SEPTIN3: variants seen among roughly 807,000 people sequenced by gnomAD.
SEPTIN3 encodes septin 3, also known as neuronal-specific septin-3.
Under a neutral mutation model 45.1 loss-of-function variants are expected in SEPTIN3, and 15 were observed. The ratio of observed to expected loss-of-function variants is 0.33; its 90% confidence interval spans 0.22 to 0.51. The LOEUF (loss-of-function observed/expected upper bound fraction) is 0.51, where lower values mean the gene tolerates loss of function less well. Among genes scored for constraint, SEPTIN3 ranks in the 20% least tolerant of loss-of-function variants. The probability of loss-of-function intolerance (pLI) is 0.97; values close to 1 mark genes in which losing one functional copy is unlikely to be tolerated. For missense variants in SEPTIN3, 289 were observed against 457.2 expected, an observed-to-expected ratio of 0.63 and a Z score of 3.35; for synonymous variants, 148 against 164.8, an observed-to-expected ratio of 0.90 and a Z score of 0.78.
At chr22:41,981,859 T>C in intron 3 of SEPTIN3, 23 bp downstream of exon 3, 1 of 1,606,178 alleles carries the variant, frequency 6.2e-7, no homozygotes, top group South Asian at 1.1e-5. Context: ...GTGGGGCTGC[T>C]GCAGGCCTGG....
At position 41,971,635 on chromosome 22, in the gene SEPTIN3, C is replaced by G; in HGVS notation, c.143C>G (p.Pro48Arg). The G allele has an allele frequency of 2.5e-6, 1 of 399,140 alleles. No homozygotes were observed. The allele number at this position is 399,140 out of a possible 1,614,324, so 24.7% of individuals were successfully genotyped here. A position where few individuals can be genotyped will look rare whatever the true frequency, so the allele number is the denominator to read the frequency against. The stretch of plus-strand genomic sequence containing the variant: ...CCTGGAGGAGGGTCCCCCCTCACCC[C>G]CGTCCTCAGGAAGACCATCCATCTG... ...RLPGGGSPLTPVLRKTIHLDT... is the reference protein window; with the variant it reads ...RLPGGGSPLTRVLRKTIHLDT... Residue 48 changes from proline to arginine, a missense_variant, in exon 2 of 12, where the codon CCC becomes CGC. Physicochemically the swap from Pro to Arg is moderately radical, Grantham distance 103. Transcript: ENST00000644076.
Position 41,973,145 on chromosome 22 carries a change from G to A in SEPTIN3, c.1504+149G>A, listed in dbSNP as rs1190302215. The A allele has an allele frequency of 1.8e-5, 7 of 396,196 alleles. No individual in the cohort carries two copies. The East Asian group carries it at 2.5e-4, about 14-fold the overall frequency. The allele number at this position is 396,196 out of a possible 1,614,324, so 24.5% of individuals were successfully genotyped here. A position where few individuals can be genotyped will look rare whatever the true frequency, so the allele number is the denominator to read the frequency against. The stretch of plus-strand genomic sequence containing the variant: ...ATGGGTTGGGAGAAAAGGAAATGGG[G>A]GTTGTAGGGCCAGACATAGGGACTG... On this transcript the variant is annotated intron_variant, in intron 2 of 11. Coordinates refer to ENST00000644076, the MANE Select transcript of SEPTIN3 (RefSeq NM_001363845.2).
chr22:41,992,817 C>A, intron 9 of SEPTIN3, 54 bp downstream of exon 9: 4 of 1,212,906 alleles, frequency 3.3e-6, no homozygotes, highest in South Asian at 1.3e-5. Flanking sequence ...ATCCAGTCAC[C>A]ATTTATTAAG....
chr22:41,994,782 A>C lies in SEPTIN3; in HGVS notation c.2505+68A>C, dbSNP rs188450296. 152 of 1,613,502 alleles carry C rather than the reference A, an allele frequency of 9.4e-5. No individual in the cohort carries two copies. In the African/African-American group the frequency reaches 1.5e-3, roughly 16 times the overall value. On this transcript the variant is annotated intron_variant, in intron 11 of 11. Transcript: ENST00000644076. The surrounding 1 kb of genome is among the most constrained non-coding windows in gnomAD (Gnocchi z 4.2). ...CGACCACTTCTCTGTGTCATCACAC[A>C]TACCCACTTCACACACACACATCCC...
chr22:41,995,268 G>A, intron 11 of SEPTIN3: 1 of 991,296 alleles, frequency 1.0e-6, no homozygotes, highest in South Asian at 4.6e-5. Context: ...TGGTCTGGGG[G>A]TAAGGCTGGG....
intron 11 of SEPTIN3, chr22:41,996,599 C>T: frequency 8.8e-7 from 1 of 1,141,090 alleles, no homozygotes; most frequent in East Asian, 5.0e-5. Context: ...CCTCATCCTC[C>T]CTTGCTCACA....
chr22:41,972,203 C>CA lies in SEPTIN3; in HGVS notation c.712dup (p.Arg238LysfsTer41). The CA allele has an allele frequency of 2.5e-6, 1 of 399,156 alleles. No homozygotes were observed. Among genetic ancestry groups the CA allele is most frequent in the Non-Finnish European group, 4.4e-6 (1 of 226,150 alleles). The allele number at this position is 399,156 out of a possible 1,614,324, so 24.7% of individuals were successfully genotyped here. On this transcript the variant is annotated frameshift_variant, in exon 2 of 12. Transcript: ENST00000644076. LOFTEE classifies it high-confidence loss of function. ...CTCCAGGAAAAGGCAAGCCCCGGGC[C>CA]AGGGGGATCCCCAGACCCCGGGGGC...
intron 6 of SEPTIN3, among the ~76,000 whole-genome samples, chr22:41,988,966 A>G (rs1284862850): frequency 2.6e-5 from 4 of 152,030 alleles, no homozygotes; most frequent in Admixed American, 6.5e-5. Context: ...TCTCTACACA[A>G]AATTTAAAAA....
intron 2 of SEPTIN3, among the ~76,000 whole-genome samples, chr22:41,980,846 T>G (rs964438418): frequency 5.3e-5 from 8 of 152,158 alleles, no homozygotes; most frequent in Non-Finnish European, 7.3e-5. Context: ...TGCCCTCATC[T>G]GGTTCTCATC....
rs534326896 is a variant in SEPTIN3 at position 41,982,538 on chromosome 22, T to C, written c.1696+702T>C. Among the ~76,000 whole-genome samples the C allele has an allele frequency of 1.5e-4, 23 of 149,594 alleles. No homozygotes were observed. The East Asian group carries it at 3.5e-3, about 22-fold the overall frequency. ...CAAAAAACAAAAAACAAAAAAGATT[T>C]TGAGAGAATTTCCAGGGATTTGGTC... On this transcript the variant is annotated intron_variant, in intron 3 of 11. Coordinates refer to ENST00000644076, the MANE Select transcript of SEPTIN3 (RefSeq NM_001363845.2).
In SEPTIN3 at chr22:41,995,706, A is replaced by G. The variant is rs2078422378; in HGVS notation, c.2505+992A>G. 5.1e-6 allele frequency: 5 copies of G among 985,354 alleles called. No individual in the cohort carries two copies. The South Asian group carries it at 2.3e-4, about 46-fold the overall frequency. 61.0% of individuals were successfully genotyped at this position (985,354 alleles called of 1,614,324 possible). On this transcript the variant is annotated intron_variant, in intron 11 of 11. Transcript: ENST00000644076. ...ACAGTACAAACAGATTGCCAGAGAAATCTGGGTCAAAGAAAGGAATAGGAA... is the reference window on the plus strand; with the variant it reads ...ACAGTACAAACAGATTGCCAGAGAAGTCTGGGTCAAAGAAAGGAATAGGAA...
chr22:41,971,371 A>T (rs1053678549), intron 1 of SEPTIN3, 103 bp from the exon 2 acceptor site: 1 of 397,840 alleles, frequency 2.5e-6, no homozygotes, highest in African/African-American at 2.1e-5. Flanking sequence ...AGGCCCCTTC[A>T]GACCCGGCAT....
At chr22:41,969,980 A>C (rs2077942563) in intron 1 of SEPTIN3, among the ~76,000 whole-genome samples, 1 of 152,036 alleles carries the variant, frequency 6.6e-6, no homozygotes, top group Non-Finnish European at 1.5e-5. Flanking sequence ...GTTGGAGGCC[A>C]GGACAGTCTT....
intron 2 of SEPTIN3, among the ~76,000 whole-genome samples, chr22:41,979,819 C>G (rs766305214): frequency 6.6e-6 from 1 of 152,142 alleles, no homozygotes; most frequent in Non-Finnish European, 1.5e-5. Flanking sequence ...AGAGTAGGCT[C>G]CTGGCTGGGT....
chr22:41,987,760 G>A lies in SEPTIN3; in HGVS notation c.2045+1G>A, dbSNP rs574717482. The A allele has an allele frequency of 1.2e-6, 2 of 1,612,124 alleles. No homozygotes were observed. The highest frequency in any genetic ancestry group is 1.1e-5 in the South Asian group (1 of 90,990). ...ACTTCATCTCTCCCACAGGACACTCGTATGTACCAACCCTACCCCTATTGT... is the reference window on the plus strand; with the variant it reads ...ACTTCATCTCTCCCACAGGACACTCATATGTACCAACCCTACCCCTATTGT... On this transcript the variant is annotated splice_donor_variant, in intron 6 of 11. Transcript: ENST00000644076. LOFTEE classifies it high-confidence loss of function.
chr22:41,987,477 G>A (rs906792030), intron 5 of SEPTIN3, 145 bp from the exon 6 acceptor site: 5 of 1,168,954 alleles, frequency 4.3e-6, no homozygotes, highest in Admixed American at 2.2e-5. Context: ...CGGTGCGGGG[G>A]CTGAGGGGGA....
chr22:41,984,627 C>T (rs984861972), intron 3 of SEPTIN3, among the ~76,000 whole-genome samples: 1 of 152,170 alleles, frequency 6.6e-6, no homozygotes, highest in African/African-American at 2.4e-5. Flanking sequence ...CCTCTGCCTC[C>T]TGGGTTCAAA....
intron 2 of SEPTIN3, among the ~76,000 whole-genome samples, chr22:41,974,743 C>T (rs2077998498): frequency 1.3e-5 from 2 of 150,436 alleles, no homozygotes; most frequent in Non-Finnish European, 3.0e-5. Context: ...AAAAATTAGC[C>T]AGGTGTGTAG....
At position 41,971,744 on chromosome 22, in the gene SEPTIN3, G is replaced by A. The variant is rs2077961519; in HGVS notation, c.252G>A (p.Glu84=). Residue 84 remains glutamate (E), a synonymous_variant, in exon 2 of 12, where the codon GAG becomes GAA. Transcript: ENST00000644076. ...GARTRSVPPQ[E]TGIALGASLS... ...GGACCCGGAGTGTGCCCCCACAGGA[G>A]ACGGGCATCGCTCTGGGGGCTTCCT... 5 of 399,102 alleles carry A rather than the reference G, an allele frequency of 1.3e-5. No individual in the cohort carries two copies. The highest frequency in any genetic ancestry group is 4.4e-5 in the Admixed American group (1 of 22,720). The allele number at this position is 399,102 out of a possible 1,614,324, so 24.7% of individuals were successfully genotyped here.
Sources: gnomAD v4.1 joint callset for allele counts (sites outside exome capture counted in the v4.1 genomes callset) on GRCh38, gnomAD v4.1.1 for gene constraint, Gnocchi (gnomAD v3.1) non-coding constraint, MANE v1.5 for transcripts, NCBI Gene and HGNC (gene_info 2026-07-23, HGNC 2026-07-21) for gene names.